Variants in CCDC171 observed in about 807,000 individuals in gnomAD.
CCDC171 encodes the protein coiled-coil domain-containing protein 171.
A neutral mutation model predicts 168.2 loss-of-function variants in CCDC171; 177 were observed. The observed-to-expected ratio is 1.05, with a 90% CI of 0.93 to 1.19. CCDC171 has a LOEUF of 1.19. Ranked by LOEUF, CCDC171 falls within the 50% of genes most tolerant of loss-of-function variation. CCDC171 has a pLI of 0.00. For synonymous variants in CCDC171, 687 were observed against 540.8 expected (o/e 1.27, Z -3.75); for missense variants, 1,991 against 1,539.0 (o/e 1.29, Z -4.91).
chr9:15,699,795 CA>C (rs1404830004), intron 11 of CCDC171, among the ~76,000 whole-genome samples: 3 of 152,152 alleles, frequency 2.0e-5, no homozygotes, highest in Non-Finnish European at 4.4e-5. Context: ...AAGGTCCCAC[CA>C]GAGTAGCCAG....
intron 6 of CCDC171, among the ~76,000 whole-genome samples, chr9:16,030,929 G>T (rs1032369337): frequency 2.0e-5 from 3 of 152,144 alleles, no homozygotes; most frequent in African/African-American, 7.2e-5. Flanking sequence ...GAAAGAGAAT[G>T]AAAATACTGG....
intron 6 of CCDC171, among the ~76,000 whole-genome samples, chr9:15,610,420 A>G (rs557871204): frequency 7.7e-6 from 1 of 130,538 alleles, no homozygotes; most frequent in South Asian, 2.8e-4. Context: ...CAGCCTGGCC[A>G]ACATGGTGAA....
In CCDC171 at chr9:15,800,995, C is replaced by T. The variant is rs142902169; in HGVS notation, c.3267+16301C>T. On this transcript the variant is annotated intron_variant, in intron 21 of 25. Coordinates refer to ENST00000380701, the MANE Select transcript of CCDC171 (RefSeq NM_173550.4). Reference sequence around the variant, plus strand: ...TGTCTGTTTTTATGCCAGTACCATGCTGTTTTGGTTGCTGTAAATTCTGTA... The same window carrying T: ...TGTCTGTTTTTATGCCAGTACCATGTTGTTTTGGTTGCTGTAAATTCTGTA... Among the ~76,000 whole-genome samples the T allele has an allele frequency of 1.9e-3, 296 of 152,126 alleles. 1 individual carries two copies. The highest frequency in any genetic ancestry group is 3.8e-3 in the Non-Finnish European group (257 of 67,952).
intron 11 of CCDC171, among the ~76,000 whole-genome samples, chr9:15,703,196 A>C (rs983816738): frequency 2.0e-5 from 3 of 152,020 alleles, no homozygotes; most frequent in African/African-American, 7.2e-5. Flanking sequence ...CTGAGCCACC[A>C]CGCCCGGCCG....
intron 4 of CCDC171, among the ~76,000 whole-genome samples, chr9:15,590,782 T>G (rs568807878): frequency 7.7e-6 from 1 of 129,646 alleles, no homozygotes; most frequent in South Asian, 2.6e-4. Flanking sequence ...TCTTTCTTTC[T>G]TTCTTTCTTT....
chr9:15,779,751 C>T (rs573965141), intron 20 of CCDC171, among the ~76,000 whole-genome samples: 1 of 152,154 alleles, frequency 6.6e-6, no homozygotes, highest in Non-Finnish European at 1.5e-5. Context: ...ATTTATCTAA[C>T]GTCCATCAAT....
At chr9:15,624,487 G>A (rs551241831) in intron 7 of CCDC171, among the ~76,000 whole-genome samples, 7 of 151,588 alleles carry the variant, frequency 4.6e-5, no homozygotes, top group East Asian at 1.9e-4. Flanking sequence ...GACAGGCCCC[G>A]GTGTGTGATG....
intron 6 of CCDC171, among the ~76,000 whole-genome samples, chr9:15,615,654 A>T (rs1478712909): frequency 1.3e-5 from 2 of 152,144 alleles, no homozygotes; most frequent in African/African-American, 2.4e-5. Context: ...TCTTTTTTTT[A>T]AAAAAGGATT....
intron 7 of CCDC171, among the ~76,000 whole-genome samples, chr9:15,626,350 G>C (rs2045104581): frequency 6.6e-6 from 1 of 152,120 alleles, no homozygotes; most frequent in South Asian, 2.1e-4. Context: ...CCAACACTAT[G>C]TTGAATAGGA....
intron 18 of CCDC171, among the ~76,000 whole-genome samples, chr9:15,774,043 C>G (rs1053111319): frequency 1.3e-5 from 2 of 151,952 alleles, no homozygotes; most frequent in Non-Finnish European, 2.9e-5. Flanking sequence ...GTCAGGATTT[C>G]AAGACCAGTC....
At chr9:15,583,072 C>G (rs768107759) in intron 4 of CCDC171, among the ~76,000 whole-genome samples, 10 of 151,964 alleles carry the variant, frequency 6.6e-5, no homozygotes, top group Non-Finnish European at 1.3e-4. Flanking sequence ...TTCACAATTG[C>G]AAAAATATCG....
At chr9:16,074,266 A>G in the CCDC171 span, among the ~76,000 whole-genome samples, 1 of 152,134 alleles carries the variant, frequency 6.6e-6, no homozygotes, top group African/African-American at 2.4e-5. Context: ...TTGATAATCT[A>G]TCTCCAACAG....
intron 21 of CCDC171, among the ~76,000 whole-genome samples, chr9:15,793,756 C>G (rs925421890): frequency 2.0e-5 from 3 of 151,746 alleles, no homozygotes; most frequent in African/African-American, 7.3e-5. Context: ...ACCATATTGG[C>G]TAGGATGGTC....
At chr9:15,889,903 G>A (rs7029375) in intron 24 of CCDC171, among the ~76,000 whole-genome samples, 10,606 of 152,136 alleles carry the variant, frequency 0.07, 846 homozygotes, top group African/African-American at 0.19. Context: ...TTCGTATCCT[G>A]GATTCCTGGT....
intron 21 of CCDC171, among the ~76,000 whole-genome samples, chr9:15,830,789 G>C (rs79294415): frequency 6.6e-6 from 1 of 152,066 alleles, no homozygotes; most frequent in African/African-American, 2.4e-5. Context: ...CTGGTTAAGA[G>C]TGGTTAGAAT....
chr9:15,944,833 C>CTT (rs1554691550), intron 25 of CCDC171, among the ~76,000 whole-genome samples: 1 of 48,380 alleles, frequency 2.1e-5, no homozygotes, highest in African/African-American at 7.1e-5. Context: ...CTTTTTCTTT[C>CTT]TTTTTTCTTT....
intron 18 of CCDC171, among the ~76,000 whole-genome samples, chr9:15,775,501 G>A (rs1355006127): frequency 1.3e-5 from 2 of 152,070 alleles, no homozygotes; most frequent in African/African-American, 2.4e-5. Flanking sequence ...TGTATTTTTA[G>A]TAGAGACAAG....
intron 24 of CCDC171, among the ~76,000 whole-genome samples, chr9:15,878,007 A>G (rs927185940): frequency 2.0e-5 from 3 of 152,140 alleles, no homozygotes. Flanking sequence ...TTAAATGTAA[A>G]TCCTTAAACT....
intron 7 of CCDC171, among the ~76,000 whole-genome samples, chr9:15,634,034 G>A (rs554868509): frequency 1.3e-5 from 2 of 150,444 alleles, no homozygotes; most frequent in East Asian, 4.0e-4. Flanking sequence ...GTGGGGTGGG[G>A]AGAGGGGGGC....
Sources: allele counts gnomAD v4.1 joint callset (sites outside exome capture counted in the v4.1 genomes callset), GRCh38; gene constraint gnomAD v4.1.1; transcripts MANE v1.5; gene names NCBI Gene and HGNC (gene_info 2026-07-23, HGNC 2026-07-21).